Variants in MT3 observed in about 807,000 individuals in gnomAD.
MT3 encodes metallothionein 3.
In MT3, 8 loss-of-function variants were observed where a neutral mutation model predicts 10.9. The observed-to-expected ratio is 0.73, with a 90% CI of 0.43 to 1.33. The LOEUF is 1.33. MT3 is among the 40% of genes most tolerant of loss of function. The pLI, the probability that MT3 is intolerant of heterozygous loss-of-function variation, is 0.01. For missense variants in MT3, 75 were observed against 83.9 expected, an observed-to-expected ratio of 0.89 and a Z score of 0.41; for synonymous variants, 32 against 29.9, an observed-to-expected ratio of 1.07 and a Z score of -0.23.
intron 2 of MT3, chr16:56,590,349 C>A: frequency 1.7e-6 from 1 of 576,072 alleles, no homozygotes; most frequent in South Asian, 2.1e-5. Context: ...CCCCAGCTCA[C>A]GGCAGTGTAA....
Position 56,589,612 on chromosome 16 carries a change from T to G in MT3, c.22T>G (p.Cys8Gly). 2 of 1,605,118 alleles carry G rather than the reference T, an allele frequency of 1.2e-6. No individual in the cohort carries two copies. The highest frequency in any genetic ancestry group is 1.7e-6 in the Non-Finnish European group (2 of 1,178,558). Reference sequence around the variant, plus strand: ...CGACATGGACCCTGAGACCTGCCCCTGCCCTTCTGGTGAGCCCCCGCCCCC... The same window carrying G: ...CGACATGGACCCTGAGACCTGCCCCGGCCCTTCTGGTGAGCCCCCGCCCCC... The part of the protein sequence containing the change: MDPETCP[C>G]PSGGSCTCAD... Residue 8 changes from cysteine to glycine, a missense_variant, in exon 1 of 3, where the codon TGC (cysteine) becomes GGC (glycine). Coordinates refer to ENST00000200691, the MANE Select transcript of MT3 (RefSeq NM_005954.4).
rs760719100 is a variant in MT3, at chr16:56,590,031, ATC to A, written c.97+97_97+98del. On this transcript the variant is annotated intron_variant, in intron 2 of 2. Transcript: ENST00000200691. ...GATGTGGAGAGACAGCCAGGCCCCG[ATC>A]CCGTGGTTTCTGACTCTTGCTGGAA... 9.5e-6 allele frequency: 13 copies of A among 1,365,534 alleles called. No homozygotes were observed. In the South Asian group the frequency reaches 1.5e-4, roughly 16 times the overall value. 84.6% of individuals were successfully genotyped at this position (1,365,534 alleles called of 1,614,324 possible).
intron 2 of MT3, chr16:56,590,247 A>T: frequency 1.7e-6 from 1 of 605,534 alleles, no homozygotes; most frequent in South Asian, 2.0e-5. Flanking sequence ...AACCTGGGGA[A>T]GCCATTAGTG....
intron 1 of MT3, 81 bp downstream of exon 1, chr16:56,589,702 C>G (rs774900156): frequency 6.2e-7 from 1 of 1,600,582 alleles, no homozygotes. Context: ...CGCCTTCGCT[C>G]AAGGACACTT....
At position 56,591,075 on chromosome 16, in the gene MT3, C is replaced by A; in HGVS notation, c.*126C>A. 1.4e-6 allele frequency: 1 copy of A among 739,236 alleles called. No individual in the cohort carries two copies. 45.8% of individuals were successfully genotyped at this position (739,236 alleles called of 1,614,324 possible). ...ACCTTGGAGGAATGACAATAAATCC[C>A]ATGAACAGCATGAGCCAAGGACTGG... On this transcript the variant is annotated 3_prime_UTR_variant, in exon 3 of 3. Coordinates refer to ENST00000200691, the MANE Select transcript of MT3 (RefSeq NM_005954.4).
intron 2 of MT3, chr16:56,590,302 C>T: frequency 3.4e-6 from 2 of 594,782 alleles, no homozygotes; most frequent in South Asian, 2.0e-5. Context: ...GGCCTCTCTC[C>T]GGCCTTACGG....
rs770097333 is a variant in MT3, at chr16:56,590,901, C to T, written c.159C>T (p.Gly53=). Residue 53 remains glycine (G), a synonymous_variant, in exon 3 of 3, where the codon GGC becomes GGT. Coordinates refer to ENST00000200691, the MANE Select transcript of MT3 (RefSeq NM_005954.4). The part of the protein sequence containing the change: ...EKCAKDCVCK[G]GEAAEAEAEK... ...GTGCCAAGGACTGTGTGTGCAAAGG[C>T]GGAGAGGCAGCTGAGGCAGAAGCAG... The T allele has an allele frequency of 2.7e-5, 43 of 1,613,900 alleles. No homozygotes were observed. The highest frequency in any genetic ancestry group is 1.6e-4 in the African/African-American group (12 of 74,922).
chr16:56,589,998 C>T, intron 2 of MT3, 63 bp downstream of exon 2: 1 of 1,562,840 alleles, frequency 6.4e-7, no homozygotes, highest in Non-Finnish European at 8.8e-7. Flanking sequence ...CGGTGTCTCA[C>T]CACGCAGGAT....
rs764974356 is a variant in MT3 at position 56,590,862 on chromosome 16, G to A, written c.120G>A (p.Ala40=). 65 of 1,613,904 alleles carry A rather than the reference G, an allele frequency of 4.0e-5. No homozygotes were observed. Among genetic ancestry groups the A allele is most frequent in the Non-Finnish European group, 4.9e-5 (58 of 1,180,016 alleles). ...CKKSCCSCCP[A]ECEKCAKDCV... is the part of the protein sequence containing the mutation. ...CAGGCTGCTGCTCCTGCTGCCCTGC[G>A]GAGTGTGAGAAGTGTGCCAAGGACT... Residue 40 remains alanine (A), a synonymous_variant, in exon 3 of 3, where the codon GCG becomes GCA. Coordinates refer to ENST00000200691, the MANE Select transcript of MT3 (RefSeq NM_005954.4).
chr16:56,589,573 G>C lies in MT3; in HGVS notation c.-18G>C. ...TGGAGAAGCCCGTTCACCGCCTCCA[G>C]CTGCTGCTCTCCTCGACATGGACCC... On this transcript the variant is annotated 5_prime_UTR_variant, in exon 1 of 3. Transcript: ENST00000200691. 6.4e-7 allele frequency: 1 copy of C among 1,560,636 alleles called. No individual in the cohort carries two copies. Among genetic ancestry groups the C allele is most frequent in the Non-Finnish European group, 8.7e-7 (1 of 1,155,646 alleles).
intron 2 of MT3, chr16:56,590,548 C>A: frequency 2.0e-6 from 1 of 494,830 alleles, no homozygotes; most frequent in Non-Finnish European, 3.7e-6. Context: ...CTCCTTAAGG[C>A]CTAGTACCCA....
chr16:56,590,068 C>T (rs773842939), intron 2 of MT3, 133 bp downstream of exon 2: 14 of 905,584 alleles, frequency 1.5e-5, no homozygotes, highest in African/African-American at 4.9e-5. Flanking sequence ...ATAGAACCAC[C>T]CGGGCAGACA....
chr16:56,591,036 C>A lies in MT3; in HGVS notation c.*87C>A. 2 of 1,087,174 alleles carry A rather than the reference C, an allele frequency of 1.8e-6. No individual in the cohort carries two copies. Among genetic ancestry groups the A allele is most frequent in the Non-Finnish European group, 2.8e-6 (2 of 725,766 alleles). The allele number at this position is 1,087,174 out of a possible 1,614,324, so 67.3% of individuals were successfully genotyped here. ...CCTGTGGTGAAGTGTGGCTGGTGTC[C>A]CCTTCCCCTGCTGACCTTGGAGGAA... On this transcript the variant is annotated 3_prime_UTR_variant, in exon 3 of 3. Coordinates refer to ENST00000200691, the MANE Select transcript of MT3 (RefSeq NM_005954.4).
chr16:56,589,963 C>T (rs755141154), intron 2 of MT3, 28 bp downstream of exon 2: 6 of 1,611,598 alleles, frequency 3.7e-6, no homozygotes, highest in East Asian at 4.5e-5. Context: ...TCCCCTCTGC[C>T]GCCGCCCCCT....
intron 2 of MT3, chr16:56,590,215 C>G (rs1337998895): frequency 1.6e-6 from 1 of 616,236 alleles, no homozygotes; most frequent in East Asian, 2.7e-5. Flanking sequence ...CTTTCCCGAC[C>G]CATCCCTCAA....
At position 56,589,552 on chromosome 16, in the gene MT3, G is replaced by A; in HGVS notation, c.-39G>A. On this transcript the variant is annotated 5_prime_UTR_variant, in exon 1 of 3. Transcript: ENST00000200691. ...CAAGCCGCGCGTCCAGTTGCTTGGA[G>A]AAGCCCGTTCACCGCCTCCAGCTGC... 1 of 1,542,162 alleles carries A rather than the reference G, an allele frequency of 6.5e-7. No homozygotes were observed. Among genetic ancestry groups the A allele is most frequent in the East Asian group, 2.3e-5 (1 of 43,764 alleles).
intron 1 of MT3, 89 bp downstream of exon 1, chr16:56,589,710 C>A (rs1308678643): frequency 6.3e-7 from 1 of 1,597,928 alleles, no homozygotes; most frequent in South Asian, 1.1e-5. Flanking sequence ...CTCAAGGACA[C>A]TTGGGGGAAG....
chr16:56,591,041 C>A lies in MT3; in HGVS notation c.*92C>A. ...GGTGAAGTGTGGCTGGTGTCCCCTT[C>A]CCCTGCTGACCTTGGAGGAATGACA... On this transcript the variant is annotated 3_prime_UTR_variant, in exon 3 of 3. Coordinates refer to ENST00000200691, the MANE Select transcript of MT3 (RefSeq NM_005954.4). 2.0e-6 allele frequency: 2 copies of A among 993,698 alleles called. No individual in the cohort carries two copies. Among genetic ancestry groups the A allele is most frequent in the Non-Finnish European group, 1.6e-6 (1 of 643,536 alleles). 61.6% of individuals were successfully genotyped at this position (993,698 alleles called of 1,614,324 possible).
At chr16:56,590,775 C>T in intron 2 of MT3, 65 bp from the exon 3 acceptor site, 1 of 1,519,430 alleles carries the variant, frequency 6.6e-7, no homozygotes, top group Non-Finnish European at 9.0e-7. Flanking sequence ...CCTTCCCTCC[C>T]CTTTGATGGG....
Sources: allele counts gnomAD v4.1 joint callset, GRCh38; gene constraint gnomAD v4.1.1; transcripts MANE v1.5; gene names NCBI Gene and HGNC (gene_info 2026-07-23, HGNC 2026-07-21).